EXT1: variants seen among roughly 807,000 people sequenced by gnomAD.
EXT1 encodes the protein exostosin glycosyltransferase 1.
EXT1 carries 20 observed loss-of-function variants against 82.5 expected under a neutral mutation model. The ratio of observed to expected loss-of-function variants is 0.24; its 90% CI spans 0.17 to 0.35. EXT1 has a LOEUF of 0.35. Ranked by LOEUF, EXT1 falls within the 10% of genes least tolerant of loss-of-function variation. EXT1 has a pLI of 1.00. For synonymous variants in EXT1, 348 were observed against 350.8 expected (o/e 0.99, Z 0.09); for missense variants, 757 against 936.5 (o/e 0.81, Z 2.50).
At chr8:118,080,936 G>T (rs1338018459) in intron 1 of EXT1, among the ~76,000 whole-genome samples, 1 of 152,138 alleles carries the variant, frequency 6.6e-6, no homozygotes, top group African/African-American at 2.4e-5. Context: ...TCAGCAGGCA[G>T]ATAAGACCAT....
intron 1 of EXT1, among the ~76,000 whole-genome samples, chr8:118,046,170 C>G (rs1237105081): frequency 1.3e-5 from 2 of 151,734 alleles, no homozygotes; most frequent in African/African-American, 2.4e-5. Context: ...CCATTTCCTG[C>G]TCATCTTCCA....
At chr8:117,804,641 G>T in intron 10 of EXT1, 81 bp downstream of exon 10, 1 of 1,490,816 alleles carries the variant, frequency 6.7e-7, no homozygotes, top group Non-Finnish European at 9.4e-7. Flanking sequence ...GGGTGGAACA[G>T]CTAGAGGAAC....
chr8:118,037,846 T>G (rs189493660), intron 1 of EXT1, among the ~76,000 whole-genome samples: 1,511 of 147,848 alleles, frequency 0.01, 18 homozygotes, highest in East Asian at 0.049. Flanking sequence ...GTTTTTTTTT[T>G]TTTTTTTTTT....
chr8:117,805,389 A>G (rs934271863), intron 9 of EXT1, among the ~76,000 whole-genome samples: 1 of 152,204 alleles, frequency 6.6e-6, no homozygotes, highest in African/African-American at 2.4e-5. Flanking sequence ...AGACTGTTCT[A>G]TATTTGTGCC....
intron 1 of EXT1, among the ~76,000 whole-genome samples, chr8:118,101,840 G>C (rs1261235220): frequency 6.6e-6 from 1 of 152,146 alleles, no homozygotes; most frequent in African/African-American, 2.4e-5. Context: ...TTGGAGTGGG[G>C]AGTTAGGGAG....
chr8:117,943,807 C>A (rs1273284386), intron 1 of EXT1, among the ~76,000 whole-genome samples: 2 of 152,114 alleles, frequency 1.3e-5, no homozygotes, highest in Non-Finnish European at 2.9e-5. Context: ...ATGTGATATT[C>A]CCACCTCCTT....
chr8:118,070,082 A>C (rs2447532), intron 1 of EXT1, among the ~76,000 whole-genome samples: 1 of 152,028 alleles, frequency 6.6e-6, no homozygotes, highest in African/African-American at 2.4e-5. Flanking sequence ...ACATAAAAAT[A>C]TTTATAAACT....
intron 1 of EXT1, among the ~76,000 whole-genome samples, chr8:118,098,238 G>C (rs1467603832): frequency 6.6e-6 from 1 of 152,138 alleles, no homozygotes; most frequent in Non-Finnish European, 1.5e-5. Context: ...GTCCAAGCTA[G>C]GCCCCCGCTA....
intron 1 of EXT1, among the ~76,000 whole-genome samples, chr8:117,860,761 T>C (rs1038445661): frequency 6.6e-6 from 1 of 152,246 alleles, no homozygotes; most frequent in Non-Finnish European, 1.5e-5. Flanking sequence ...TTGGCAGCAC[T>C]GGACCTGCTG....
At chr8:117,971,318 G>C (rs1814935114) in intron 1 of EXT1, among the ~76,000 whole-genome samples, 1 of 152,118 alleles carries the variant, frequency 6.6e-6, no homozygotes, top group African/African-American at 2.4e-5. Context: ...TAGTAAGTGG[G>C]CAAATTCCTA....
At chr8:117,942,958 C>T (rs1814318351) in intron 1 of EXT1, among the ~76,000 whole-genome samples, 1 of 152,094 alleles carries the variant, frequency 6.6e-6, no homozygotes, top group South Asian at 2.1e-4. Context: ...GCACATGAAG[C>T]CATTGGGCTA....
chr8:117,938,476 T>A (rs1219956662), intron 1 of EXT1, among the ~76,000 whole-genome samples: 2 of 149,748 alleles, frequency 1.3e-5, no homozygotes, highest in Non-Finnish European at 2.9e-5. Flanking sequence ...ATAATAACAA[T>A]AATAATAATA....
intron 1 of EXT1, among the ~76,000 whole-genome samples, chr8:118,079,605 G>C (rs1219737877): frequency 6.6e-6 from 1 of 152,104 alleles, no homozygotes; most frequent in Non-Finnish European, 1.5e-5. Context: ...CATCACCAAG[G>C]AGAAACATTC....
At chr8:117,877,319 A>C (rs1249530599) in intron 1 of EXT1, among the ~76,000 whole-genome samples, 2 of 152,088 alleles carry the variant, frequency 1.3e-5, no homozygotes, top group African/African-American at 4.8e-5. Flanking sequence ...AGCTCCAGGG[A>C]GGGGAAGGGA....
At chr8:118,064,110 C>T (rs902484442) in intron 1 of EXT1, among the ~76,000 whole-genome samples, 5 of 152,132 alleles carry the variant, frequency 3.3e-5, no homozygotes, top group Admixed American at 6.5e-5. Flanking sequence ...GTGATCCATC[C>T]GCCTCGGCCT....
At chr8:118,091,798 T>TA (rs951025784) in intron 1 of EXT1, among the ~76,000 whole-genome samples, 1 of 114,800 alleles carries the variant, frequency 8.7e-6, no homozygotes, top group African/African-American at 2.8e-5. Context: ...TCTATATATA[T>TA]ATGTATCTTC....
intron 1 of EXT1, among the ~76,000 whole-genome samples, chr8:117,854,164 A>G (rs1368611078): frequency 1.3e-5 from 2 of 152,256 alleles, no homozygotes; most frequent in Non-Finnish European, 1.5e-5. Context: ...TAAGAGAGGT[A>G]AAGAAGGGAA....
chr8:117,910,247 T>A (rs528448886), intron 1 of EXT1, among the ~76,000 whole-genome samples: 1 of 152,104 alleles, frequency 6.6e-6, no homozygotes, highest in Admixed American at 6.5e-5. Flanking sequence ...AGTAAGGGCA[T>A]AGGAGGTCAA....
intron 1 of EXT1, among the ~76,000 whole-genome samples, chr8:117,948,443 A>G (rs77169553): frequency 3.3e-3 from 502 of 152,186 alleles, no homozygotes; most frequent in Non-Finnish European, 5.7e-3. Flanking sequence ...TTGTATTCTT[A>G]TATTTTAGGA....
Sources: allele counts gnomAD v4.1 joint callset (sites outside exome capture counted in the v4.1 genomes callset), GRCh38; gene constraint gnomAD v4.1.1; transcripts MANE v1.5; gene names NCBI Gene and HGNC (gene_info 2026-07-23, HGNC 2026-07-21).